ANKS1B: variants seen among roughly 807,000 people sequenced by gnomAD.
ANKS1B encodes ankyrin repeat and sterile alpha motif domain containing 1B.
Under a neutral mutation model 148.3 loss-of-function variants are expected in ANKS1B, and 36 were observed. The observed-to-expected ratio is 0.24, with a 90% CI of 0.19 to 0.32. ANKS1B has a LOEUF of 0.32. Ranked by LOEUF, ANKS1B falls within the 10% of genes least tolerant of loss-of-function variation. ANKS1B has a pLI of 1.00. For synonymous variants in ANKS1B, 542 were observed against 560.8 expected (o/e 0.97, Z 0.47); for missense variants, 1,157 against 1,542.6 (o/e 0.75, Z 4.19).
At chr12:99,070,371 AG>A (rs946153457) in intron 16 of ANKS1B, among the ~76,000 whole-genome samples, 47 of 152,348 alleles carry the variant, frequency 3.1e-4, no homozygotes, top group African/African-American at 1.1e-3. Flanking sequence ...TAGGGAAGGA[AG>A]AATAGTAACT....
intron 15 of ANKS1B, among the ~76,000 whole-genome samples, chr12:99,119,173 T>C (rs113368590): frequency 1.5e-4 from 23 of 152,184 alleles, no homozygotes; most frequent in African/African-American, 5.5e-4. Flanking sequence ...AACACATGTA[T>C]CTTATAAAAT....
At chr12:98,880,774 A>T (rs892338071) in intron 17 of ANKS1B, among the ~76,000 whole-genome samples, 1 of 152,070 alleles carries the variant, frequency 6.6e-6, no homozygotes, top group African/African-American at 2.4e-5. Context: ...TCTCAAAAAA[A>T]TAAAAATAAA....
chr12:99,495,456 T>G (rs1401086484), intron 10 of ANKS1B, among the ~76,000 whole-genome samples: 1 of 152,044 alleles, frequency 6.6e-6, no homozygotes, highest in African/African-American at 2.4e-5. Flanking sequence ...ATTTTTTAAT[T>G]GGTAAACTGT....
At chr12:99,088,112 C>T (rs2052594760) in intron 15 of ANKS1B, among the ~76,000 whole-genome samples, 2 of 151,998 alleles carry the variant, frequency 1.3e-5, no homozygotes. Flanking sequence ...GAAAATGTGT[C>T]AAAGGGGAAA....
intron 17 of ANKS1B, among the ~76,000 whole-genome samples, chr12:98,995,872 C>T (rs1352959803): frequency 1.3e-5 from 2 of 152,258 alleles, no homozygotes; most frequent in East Asian, 3.9e-4. Flanking sequence ...AATCAGAGTA[C>T]AGGGAAGAGG....
At chr12:99,594,984 A>T (rs2153271774) in intron 9 of ANKS1B, among the ~76,000 whole-genome samples, 1 of 152,138 alleles carries the variant, frequency 6.6e-6, no homozygotes, top group African/African-American at 2.4e-5. Context: ...AGGTCAAGTG[A>T]CTTTAAGTAA....
intron 9 of ANKS1B, among the ~76,000 whole-genome samples, chr12:99,626,198 C>T (rs1022481864): frequency 6.6e-6 from 1 of 151,978 alleles, no homozygotes; most frequent in Non-Finnish European, 1.5e-5. Flanking sequence ...ATATATGTTG[C>T]AAAAATACAA....
chr12:99,919,669 G>T (rs1004025890), intron 1 of ANKS1B, among the ~76,000 whole-genome samples: 1 of 151,804 alleles, frequency 6.6e-6, no homozygotes, highest in Non-Finnish European at 1.5e-5. Context: ...GGTAGACATG[G>T]ATATCCACTG....
At chr12:99,826,510 G>A (rs1333769349) in intron 1 of ANKS1B, among the ~76,000 whole-genome samples, 2 of 152,132 alleles carry the variant, frequency 1.3e-5, no homozygotes, top group Admixed American at 6.6e-5. Flanking sequence ...GAAACTGGAA[G>A]CAGTAGTCTA....
intron 14 of ANKS1B, among the ~76,000 whole-genome samples, chr12:99,186,690 A>G (rs2079907897): frequency 1.3e-5 from 2 of 152,226 alleles, no homozygotes; most frequent in Admixed American, 1.3e-4. Flanking sequence ...AAGGAATAGT[A>G]TCAACATCAA....
intron 9 of ANKS1B, among the ~76,000 whole-genome samples, chr12:99,641,111 GT>G (rs2098299275): frequency 6.6e-6 from 1 of 152,184 alleles, no homozygotes; most frequent in Non-Finnish European, 1.5e-5. Context: ...ATATGAAGTT[GT>G]TTTATACTAT....
intron 17 of ANKS1B, among the ~76,000 whole-genome samples, chr12:98,879,709 C>T (rs1428241471): frequency 6.6e-6 from 1 of 152,080 alleles, no homozygotes; most frequent in African/African-American, 2.4e-5. Flanking sequence ...CAAAGTGCCA[C>T]AAAGATAATG....
At position 99,555,575 on chromosome 12, in the gene ANKS1B, T is replaced by C. The variant is rs545493428; in HGVS notation, c.1273-50934A>G. Among the ~76,000 whole-genome samples, 3 of 152,302 alleles carry C rather than the reference T, an allele frequency of 2.0e-5. No homozygotes were observed. The South Asian group carries it at 6.2e-4, about 32-fold the overall frequency. ...ATTCAGTATGATGTTGGTTGTGGGT[T>C]TGTCATAGATGTCTGTTATTATTTT... is the stretch of plus-strand genomic sequence containing the variant. On this transcript the variant is annotated intron_variant, in intron 9 of 26. Coordinates refer to ENST00000683438, the MANE Select transcript of ANKS1B (RefSeq NM_001352186.2).
chr12:99,188,410 T>A (rs1008320928), intron 14 of ANKS1B, among the ~76,000 whole-genome samples: 20 of 152,234 alleles, frequency 1.3e-4, no homozygotes, highest in Non-Finnish European at 2.4e-4. Flanking sequence ...CAGCACCACA[T>A]CACACTTATT....
intron 9 of ANKS1B, among the ~76,000 whole-genome samples, chr12:99,523,765 G>A (rs958430257): frequency 1.3e-5 from 2 of 151,770 alleles, no homozygotes; most frequent in African/African-American, 4.8e-5. Context: ...TGTTAGCCAG[G>A]ATGGTCTCAA....
At chr12:99,033,892 G>T (rs2153469756) in intron 17 of ANKS1B, among the ~76,000 whole-genome samples, 1 of 152,322 alleles carries the variant, frequency 6.6e-6, no homozygotes, top group East Asian at 1.9e-4. Context: ...ACGACTGGTA[G>T]TGATCCCTAT....
chr12:99,538,872 G>T (rs766574890), intron 9 of ANKS1B, among the ~76,000 whole-genome samples: 11 of 151,952 alleles, frequency 7.2e-5, no homozygotes, highest in Non-Finnish European at 1.6e-4. Flanking sequence ...ACTAGCTATG[G>T]GTCTTTCATA....
intron 25 of ANKS1B, among the ~76,000 whole-genome samples, chr12:98,771,117 T>C (rs2098558148): frequency 6.6e-6 from 1 of 152,240 alleles, no homozygotes; most frequent in Non-Finnish European, 1.5e-5. Flanking sequence ...TTAGGTTTAA[T>C]GACAAGTATG....
At position 99,666,857 on chromosome 12, in the gene ANKS1B, GGTGTGT is replaced by G. The variant is rs3083633; in HGVS notation, c.1129-11653_1129-11648del. Reference sequence around the variant, plus strand: ...CCATCACGTCATATAGTTACTATGGGGTGTGTGTGTGTGTGTGTGTGTGTGTGTGTG... The same window carrying G: ...CCATCACGTCATATAGTTACTATGGGGTGTGTGTGTGTGTGTGTGTGTGTG... On this transcript the variant is annotated intron_variant, in intron 8 of 26. Coordinates refer to ENST00000683438, the MANE Select transcript of ANKS1B (RefSeq NM_001352186.2). Among the ~76,000 whole-genome samples the G allele has an allele frequency of 2.1e-3, 280 of 132,612 alleles. 1 individual carries two copies. The highest frequency in any genetic ancestry group is 3.8e-3 in the African/African-American group (140 of 36,714). The allele number at this position is 132,612 out of a possible 152,430, so 87.0% of individuals were successfully genotyped here. A position where few individuals can be genotyped will look rare whatever the true frequency, so the allele number is the denominator to read the frequency against.
Sources: allele counts gnomAD v4.1 joint callset (sites outside exome capture counted in the v4.1 genomes callset), GRCh38; gene constraint gnomAD v4.1.1; transcripts MANE v1.5; gene names NCBI Gene and HGNC (gene_info 2026-07-23, HGNC 2026-07-21).